The following UBE2K variants were observed in gnomAD, a reference collection of about 807,000 sequenced individuals.
The protein encoded by UBE2K is ubiquitin-conjugating enzyme E2 K.
In UBE2K, 6 loss-of-function variants were observed where a neutral mutation model predicts 30.0. That is an observed-to-expected ratio of 0.20 (90% CI 0.11 to 0.39). The LOEUF (loss-of-function observed/expected upper bound fraction) is 0.39. UBE2K is among the 10% of genes least tolerant of loss of function. The pLI, the probability that UBE2K is intolerant of heterozygous loss-of-function variation, is 1.00. For synonymous variants in UBE2K, 86 were observed against 83.7 expected, an observed-to-expected ratio of 1.03 and a Z score of -0.15; for missense variants, 61 against 241.6, an observed-to-expected ratio of 0.25 and a Z score of 4.96.
chr4:39,777,500 C>T (rs773676515), intron 5 of UBE2K, among the ~76,000 whole-genome samples, 182 bp from the exon 6 acceptor site: 6 of 152,062 alleles, frequency 3.9e-5, no homozygotes, highest in Non-Finnish European at 8.8e-5. Flanking sequence ...AATTGTGAGT[C>T]GAAGCTTCAG....
intron 1 of UBE2K, among the ~76,000 whole-genome samples, chr4:39,713,208 G>C (rs1402116765): frequency 6.6e-6 from 1 of 150,646 alleles, no homozygotes; most frequent in African/African-American, 2.4e-5. Context: ...GGATGGTTTG[G>C]CCTGGGCAAC....
intron 1 of UBE2K, among the ~76,000 whole-genome samples, chr4:39,703,016 C>T (rs1312416656): frequency 1.3e-5 from 2 of 151,842 alleles, no homozygotes; most frequent in Non-Finnish European, 1.5e-5. Flanking sequence ...TTTTTTGATA[C>T]AGAGTCTTGC....
chr4:39,729,389 T>A (rs1383965764), intron 1 of UBE2K, among the ~76,000 whole-genome samples: 1 of 152,280 alleles, frequency 6.6e-6, no homozygotes, highest in African/African-American at 2.4e-5. Flanking sequence ...TGTCTCAAAC[T>A]GATTTTTCCC....
At chr4:39,718,862 C>G (rs1317878682) in intron 1 of UBE2K, among the ~76,000 whole-genome samples, 1 of 152,272 alleles carries the variant, frequency 6.6e-6, no homozygotes, top group Non-Finnish European at 1.5e-5. Flanking sequence ...GTGCGCAGCC[C>G]CGGTTCCCAC....
intron 4 of UBE2K, chr4:39,770,986 T>C: frequency 4.4e-6 from 7 of 1,605,504 alleles, no homozygotes; most frequent in Non-Finnish European, 6.0e-6. Flanking sequence ...GAGGAGGGAC[T>C]TGTTGGCGCT....
intron 4 of UBE2K, among the ~76,000 whole-genome samples, chr4:39,756,630 T>A (rs1035939988): frequency 6.6e-6 from 1 of 152,162 alleles, no homozygotes; most frequent in African/African-American, 2.4e-5. Context: ...TGTTTGTATT[T>A]TTTTTAGAGA....
chr4:39,726,163 T>G (rs1719741420), intron 1 of UBE2K, among the ~76,000 whole-genome samples: 1 of 152,024 alleles, frequency 6.6e-6, no homozygotes, highest in Admixed American at 6.6e-5. Flanking sequence ...AATCTGTCTT[T>G]ATGTGGCATC....
chr4:39,706,602 G>A (rs1718381086), intron 1 of UBE2K, among the ~76,000 whole-genome samples: 1 of 151,020 alleles, frequency 6.6e-6, no homozygotes, highest in South Asian at 2.1e-4. Flanking sequence ...CTACCAAGTA[G>A]CTGGGATTAC....
intron 4 of UBE2K, among the ~76,000 whole-genome samples, chr4:39,771,530 C>A (rs877075): frequency 6.6e-6 from 1 of 152,024 alleles, no homozygotes; most frequent in African/African-American, 2.4e-5. Context: ...AAGCGCCCCC[C>A]ACACACGGGC....
At position 39,772,371 on chromosome 4, in the gene UBE2K, G is replaced by A. The variant is rs1370417638; in HGVS notation, c.300-2463G>A. ...GCTCAGGAGTTCAAGACCAGCCTGG[G>A]TAACATGGTGAAACCCTGTCTCTAC... On this transcript the variant is annotated intron_variant, in intron 4 of 6. Transcript: ENST00000261427. 3.5e-5 allele frequency among the ~76,000 whole-genome samples: 5 copies of A among 141,380 alleles called. No individual in the cohort carries two copies. In the East Asian group the frequency reaches 6.2e-4, roughly 18 times the overall value. 92.8% of individuals were successfully genotyped at this position (141,380 alleles called of 152,430 possible).
intron 4 of UBE2K, among the ~76,000 whole-genome samples, chr4:39,774,620 A>G (rs1005865185): frequency 1.4e-4 from 21 of 152,038 alleles, no homozygotes; most frequent in African/African-American, 4.1e-4. Flanking sequence ...CTCAGGGGAA[A>G]AAAAGAAAAA....
At chr4:39,763,591 C>A (rs181648128) in intron 4 of UBE2K, among the ~76,000 whole-genome samples, 37 of 152,220 alleles carry the variant, frequency 2.4e-4, no homozygotes, top group African/African-American at 8.7e-4. Context: ...ACTCAGTCAT[C>A]ACCAATGGGG....
chr4:39,715,468 G>A (rs1258159306), intron 1 of UBE2K, among the ~76,000 whole-genome samples: 2 of 151,788 alleles, frequency 1.3e-5, no homozygotes, highest in Non-Finnish European at 2.9e-5. Context: ...CACCATGCCC[G>A]TCTGCTTTTT....
chr4:39,712,368 ATTTTTTTTTTTT>A lies in UBE2K; in HGVS notation c.63+13994_63+14005del, dbSNP rs60301036. ...AGGCACCCGCCACTGCGCCCGGCCA[ATTTTTTTTTTTT>A]TTTTTTTTTTTTTTTCAGTAGAGAC... On this transcript the variant is annotated intron_variant, in intron 1 of 6. Transcript: ENST00000261427. Among the ~76,000 whole-genome samples the A allele has an allele frequency of 8.6e-4, 46 of 53,622 alleles. No homozygotes were observed. The Middle Eastern group carries it at 0.079, about 92-fold the overall frequency. 35.2% of individuals were successfully genotyped at this position (53,622 alleles called of 152,430 possible).
chr4:39,769,213 G>GTTTTTTTTTTTTTTCGTTTTTTTTTTTT (rs1712566882), intron 4 of UBE2K, among the ~76,000 whole-genome samples: 1 of 128,692 alleles, frequency 7.8e-6, no homozygotes, highest in Non-Finnish European at 1.7e-5. Context: ...GTTTCTTTTT[G>GTTTTTTTTTTTTTTCGTTTTTTTTTTTT]TTTTTTTTTT....
At chr4:39,719,941 A>G (rs7688345) in intron 1 of UBE2K, among the ~76,000 whole-genome samples, 151 of 152,258 alleles carry the variant, frequency 9.9e-4, no homozygotes, top group African/African-American at 3.4e-3. Context: ...GTGTTGGATG[A>G]AATTTTAGGT....
At chr4:39,738,849 A>G (rs551965357) in intron 2 of UBE2K, among the ~76,000 whole-genome samples, 5 of 150,942 alleles carry the variant, frequency 3.3e-5, no homozygotes, top group Non-Finnish European at 7.4e-5. Context: ...TAATTTTTGT[A>G]TTTTTAGTAG....
chr4:39,716,899 G>A (rs989546079), intron 1 of UBE2K, among the ~76,000 whole-genome samples: 17 of 150,280 alleles, frequency 1.1e-4, no homozygotes, highest in African/African-American at 3.9e-4. Flanking sequence ...TTGGGAAGCC[G>A]AGACAGGAGA....
rs1196991024 is a variant in UBE2K, at chr4:39,752,302, G to T, written c.217-3355G>T. On this transcript the variant is annotated intron_variant, in intron 3 of 6. Coordinates refer to ENST00000261427, the MANE Select transcript of UBE2K (RefSeq NM_005339.5). ...TGGGACTACAGGCGCCCGCCATCAC[G>T]CCTGGCTAATTTTTTTTTTTTTCTT... 2.8e-5 allele frequency among the ~76,000 whole-genome samples: 4 copies of T among 143,704 alleles called. No homozygotes were observed. In the Admixed American group the frequency reaches 2.8e-4, roughly 10 times the overall value. The allele number at this position is 143,704 out of a possible 152,430, so 94.3% of individuals were successfully genotyped here.
Sources: allele counts gnomAD v4.1 joint callset (sites outside exome capture counted in the v4.1 genomes callset), GRCh38; gene constraint gnomAD v4.1.1; transcripts MANE v1.5; gene names NCBI Gene and HGNC (gene_info 2026-07-23, HGNC 2026-07-21).